REL: variants seen among roughly 807,000 people sequenced by gnomAD.
The protein encoded by REL is proto-oncogene c-Rel.
In REL, 15 loss-of-function variants were observed where a neutral mutation model predicts 45.9. The observed-to-expected ratio is 0.33, with a 90% CI of 0.22 to 0.50. The LOEUF (loss-of-function observed/expected upper bound fraction) is 0.50, where lower values mean the gene tolerates loss of function less well. REL is among the 20% of genes least tolerant of loss of function. The pLI, the probability that REL is intolerant of heterozygous loss-of-function variation, is 0.98. For missense variants in REL, 601 were observed against 715.2 expected (o/e 0.84, Z 1.82); for synonymous variants, 239 against 242.1 (o/e 0.99, Z 0.12).
intron 4 of REL, among the ~76,000 whole-genome samples, chr2:60,908,489 C>T (rs1673722339): frequency 1.3e-5 from 2 of 152,142 alleles, no homozygotes; most frequent in Non-Finnish European, 2.9e-5. Context: ...TTGCCAAAGT[C>T]TAAATTGGGT....
At chr2:60,888,888 A>C (rs1194567664) in intron 1 of REL, among the ~76,000 whole-genome samples, 1 of 152,122 alleles carries the variant, frequency 6.6e-6, no homozygotes, top group Non-Finnish European at 1.5e-5. Context: ...TCATCTTATC[A>C]CTGCCATATA....
intron 4 of REL, among the ~76,000 whole-genome samples, chr2:60,912,221 A>G (rs960739259): frequency 1.3e-5 from 2 of 152,260 alleles, no homozygotes; most frequent in African/African-American, 4.8e-5. Context: ...AGAGCCCAGA[A>G]GAGACTCCAA....
intron 4 of REL, among the ~76,000 whole-genome samples, chr2:60,902,841 G>A (rs1002207625): frequency 6.6e-6 from 1 of 151,892 alleles, no homozygotes; most frequent in Non-Finnish European, 1.5e-5. Context: ...CACTTGCCTC[G>A]GCCTTCTAAA....
chr2:60,926,032 G>A lies in REL; in HGVS notation c.*3497G>A, dbSNP rs566484478. The A allele has an allele frequency of 1.2e-3, 266 of 228,322 alleles. No homozygotes were observed. Among genetic ancestry groups the A allele is most frequent in the Non-Finnish European group, 1.7e-3 (199 of 114,702 alleles). The allele number at this position is 228,322 out of a possible 1,614,324, so 14.1% of individuals were successfully genotyped here. On this transcript the variant is annotated 3_prime_UTR_variant, in exon 10 of 10. Transcript: ENST00000394479. ...TTTAATTTAAAATGAATTTGGTAAC[G>A]TTTCTCCTCTGTCTCTACATATATT...
chr2:60,925,606 G>C lies in REL; in HGVS notation c.*3071G>C, dbSNP rs191484856. On this transcript the variant is annotated 3_prime_UTR_variant, in exon 10 of 10. Transcript: ENST00000394479. Reference sequence around the variant, plus strand: ...AAGCACATAAATAGAACTTACCAGGGAGAAAGAAAAACCTGAAGGCACAAT... The same window carrying C: ...AAGCACATAAATAGAACTTACCAGGCAGAAAGAAAAACCTGAAGGCACAAT... 13 of 184,874 alleles carry C rather than the reference G, an allele frequency of 7.0e-5. No individual in the cohort carries two copies. The East Asian group carries it at 1.1e-3, about 16-fold the overall frequency. The allele number at this position is 184,874 out of a possible 1,614,324, so 11.5% of individuals were successfully genotyped here.
intron 4 of REL, among the ~76,000 whole-genome samples, chr2:60,909,707 C>T (rs887686958): frequency 6.6e-6 from 1 of 152,132 alleles, no homozygotes; most frequent in Non-Finnish European, 1.5e-5. Context: ...TACAGACCAT[C>T]CTGGCCAACA....
At position 60,901,042 on chromosome 2, in the gene REL, C is replaced by G; in HGVS notation, c.353C>G (p.Ala118Gly). 6.2e-7 allele frequency: 1 copy of G among 1,608,296 alleles called. No homozygotes were observed. Among genetic ancestry groups the G allele is most frequent in the Non-Finnish European group, 8.5e-7 (1 of 1,178,130 alleles). ...RCVKKKEVKEAIITRIKAGIN... is the reference protein window; with the variant it reads ...RCVKKKEVKEGIITRIKAGIN... ...GTGAAGAAAAAAGAAGTAAAAGAAG[C>G]TATTATTACAAGAATAAAGGCAGGA... Residue 118 changes from alanine to glycine, a missense_variant, in exon 4 of 10, where the codon GCT becomes GGT. Ala to Gly is a moderately conservative substitution (Grantham distance 60, BLOSUM62 0). This residue lies in a region of REL where 241 missense variants were observed against 347.0 expected (regional missense o/e 0.69). Transcript: ENST00000394479.
At position 60,922,178 on chromosome 2, in the gene REL, C is replaced by A. The variant is rs778667870; in HGVS notation, c.1407C>A (p.Thr469=). 1.2e-6 allele frequency: 2 copies of A among 1,614,018 alleles called. No homozygotes were observed. Among genetic ancestry groups the A allele is most frequent in the South Asian group, 1.1e-5 (1 of 91,064 alleles). ...LSNCSVNMMT[T]SSDSMGETDN... ...ATTGTTCTGTGAATATGATGACAAC[C>A]AGCAGTGACAGCATGGGAGAGACTG... Residue 469 remains threonine (T), a synonymous_variant, in exon 10 of 10, where the codon ACC becomes ACA. Coordinates refer to ENST00000394479, the MANE Select transcript of REL (RefSeq NM_001291746.2).
At chr2:60,916,737 A>C in intron 4 of REL, 140 bp from the exon 5 acceptor site, 1 of 530,436 alleles carries the variant, frequency 1.9e-6, no homozygotes, top group South Asian at 3.4e-5. Context: ...CATTCTTGAG[A>C]TTGTATACTG....
intron 3 of REL, among the ~76,000 whole-genome samples, chr2:60,895,516 G>A (rs1349530496): frequency 6.6e-6 from 1 of 152,094 alleles, no homozygotes; most frequent in Non-Finnish European, 1.5e-5. Context: ...CTGGATGTGA[G>A]AAAAATCAAC....
chr2:60,891,715 C>G lies in REL; in HGVS notation c.43C>G (p.Gln15Glu), dbSNP rs1673220838. The change falls in exon 2 of 10, where the codon CAA becomes GAA. Residue 15 changes from glutamine (Q) to glutamate (E), a missense_variant. Coordinates refer to ENST00000394479, the MANE Select transcript of REL (RefSeq NM_001291746.2). ...AYNPYIEIIEQPRQRGMRFRY... is the reference protein window; with the variant it reads ...AYNPYIEIIEEPRQRGMRFRY... Reference sequence around the variant, plus strand: ...TAACCCGTATATAGAGATAATTGAACAACCCAGGCAGAGGGGAATGCGTTT... The same window carrying G: ...TAACCCGTATATAGAGATAATTGAAGAACCCAGGCAGAGGGGAATGCGTTT... 1 of 1,613,708 alleles carries G rather than the reference C, an allele frequency of 6.2e-7. No homozygotes were observed. The highest frequency in any genetic ancestry group is 1.1e-5 in the South Asian group (1 of 91,058).
Position 60,921,975 on chromosome 2 carries a change from A to G in REL, c.1204A>G (p.Arg402Gly), listed in dbSNP as rs1227919284. ...AAACCCACTGAGTAGTTTTTCAACAAGGACACTTCCTTCTAATTCGCAAGG... is the reference window on the plus strand; with the variant it reads ...AAACCCACTGAGTAGTTTTTCAACAGGGACACTTCCTTCTAATTCGCAAGG... ...NTNPLSSFST[R>G]TLPSNSQGIP... Residue 402 changes from arginine to glycine, a missense_variant, in exon 10 of 10, where the codon AGG becomes GGG. Arg to Gly is a moderately radical substitution (Grantham distance 125). This residue lies in a region of REL where 334 missense variants were observed against 333.1 expected (regional missense o/e 1.00). Transcript: ENST00000394479. The G allele has an allele frequency of 4.3e-6, 7 of 1,614,086 alleles. No individual in the cohort carries two copies. In the Admixed American group the frequency reaches 6.7e-5, roughly 15 times the overall value.
intron 1 of REL, 47 bp downstream of exon 1, chr2:60,881,897 T>C: frequency 2.2e-6 from 3 of 1,360,294 alleles, no homozygotes; most frequent in East Asian, 3.0e-5. Flanking sequence ...AAGGAGCTCT[T>C]CTGAAGGGGG....
Position 60,923,167 on chromosome 2 carries a change from T to C in REL, c.*632T>C. 1 of 200,490 alleles carries C rather than the reference T, an allele frequency of 5.0e-6. No homozygotes were observed. Among genetic ancestry groups the C allele is most frequent in the Non-Finnish European group, 1.0e-5 (1 of 97,018 alleles). The allele number at this position is 200,490 out of a possible 1,614,324, so 12.4% of individuals were successfully genotyped here. A position where few individuals can be genotyped will look rare whatever the true frequency, so the allele number is the denominator to read the frequency against. On this transcript the variant is annotated 3_prime_UTR_variant, in exon 10 of 10. Transcript: ENST00000394479. The stretch of plus-strand genomic sequence containing the variant: ...ATGGCTATGCCATTGAAAAACTTAA[T>C]TTTTTATTTTTGAGGCCCATGGGCC...
rs1236024485 is a variant in REL, at chr2:60,930,588, T to C, written c.*8053T>C. The C allele has an allele frequency of 6.6e-6, 1 of 152,326 alleles. No individual in the cohort carries two copies. The highest frequency in any genetic ancestry group is 1.5e-5 in the Non-Finnish European group (1 of 68,026). The allele number at this position is 152,326 out of a possible 1,614,324, so 9.4% of individuals were successfully genotyped here. A position where few individuals can be genotyped will look rare whatever the true frequency, so the allele number is the denominator to read the frequency against. On this transcript the variant is annotated 3_prime_UTR_variant, in exon 10 of 10. Transcript: ENST00000394479. ...AGCACAAAGTTAACAGTGGGTAGGA[T>C]TGAATCTTGAAAGTAATCATGTCTG...
rs1354798946 is a variant in REL at position 60,928,846 on chromosome 2, C to T, written c.*6311C>T. The T allele has an allele frequency of 4.0e-5, 6 of 150,306 alleles. No individual in the cohort carries two copies. Among genetic ancestry groups the T allele is most frequent in the African/African-American group, 1.5e-4 (6 of 41,098 alleles). 9.3% of individuals were successfully genotyped at this position (150,306 alleles called of 1,614,324 possible). On this transcript the variant is annotated 3_prime_UTR_variant, in exon 10 of 10. Coordinates refer to ENST00000394479, the MANE Select transcript of REL (RefSeq NM_001291746.2). ...AATGGGATCTAATTAAACTAAAGAGCTGCTGCACAGCAAAAGAAACTACCA... is the reference window on the plus strand; with the variant it reads ...AATGGGATCTAATTAAACTAAAGAGTTGCTGCACAGCAAAAGAAACTACCA...
intron 2 of REL, among the ~76,000 whole-genome samples, chr2:60,894,014 C>A (rs138716058): frequency 3.3e-4 from 50 of 152,174 alleles, no homozygotes; most frequent in African/African-American, 1.1e-3. Flanking sequence ...CTTTCCAATA[C>A]GGCTTAAATA....
At chr2:60,920,222 G>A in intron 8 of REL, 113 bp downstream of exon 8, 1 of 858,398 alleles carries the variant, frequency 1.2e-6, no homozygotes, top group Non-Finnish European at 1.8e-6. Context: ...TGTTTTTTGA[G>A]ATAGCATCTC....
chr2:60,885,297 C>T (rs1461247059), intron 1 of REL, among the ~76,000 whole-genome samples: 1 of 152,158 alleles, frequency 6.6e-6, no homozygotes, highest in African/African-American at 2.4e-5. Flanking sequence ...TCATATTTAT[C>T]TGGGCCTCCT....
Sources: gnomAD v4.1 joint callset for allele counts (sites outside exome capture counted in the v4.1 genomes callset) on GRCh38, gnomAD v4.1.1 for gene constraint, gnomAD v4.1.1 regional missense constraint, MANE v1.5 for transcripts, NCBI Gene and HGNC (gene_info 2026-07-23, HGNC 2026-07-21) for gene names.